Variants in WARS1 observed in about 807,000 individuals in gnomAD.
WARS1 encodes the protein tryptophan--tRNA ligase, cytoplasmic.
WARS1 carries 17 observed loss-of-function variants against 47.8 expected under a neutral mutation model. That is an observed-to-expected ratio of 0.36 (90% confidence interval 0.24 to 0.53). The LOEUF is 0.53. Ranked by LOEUF, WARS1 falls within the 20% of genes least tolerant of loss-of-function variation. WARS1 has a pLI of 0.91. For missense variants in WARS1, 434 were observed against 608.0 expected, an observed-to-expected ratio of 0.71 and a Z score of 3.01; for synonymous variants, 208 against 228.1, an observed-to-expected ratio of 0.91 and a Z score of 0.79.
chr14:100,376,280 A>C (rs1896658107), upstream of WARS1: 1 of 835,034 alleles, frequency 1.2e-6, no homozygotes, highest in Non-Finnish European at 1.6e-6. Flanking sequence ...CGGGCCAGTC[A>C]GCGCTCCCGG....
intron 4 of WARS1, among the ~76,000 whole-genome samples, chr14:100,359,234 T>C (rs1344143173): frequency 1.3e-5 from 2 of 152,224 alleles, no homozygotes; most frequent in South Asian, 2.1e-4. Flanking sequence ...CAGAGCAGCA[T>C]TGTTGATAAC....
intron 4 of WARS1, among the ~76,000 whole-genome samples, chr14:100,354,773 T>C (rs959269444): frequency 2.0e-5 from 3 of 152,142 alleles, no homozygotes; most frequent in African/African-American, 7.2e-5. Context: ...AAAGACAAGA[T>C]GTGTAGGTTT....
intron 10 of WARS1, 122 bp from the exon 11 acceptor site, chr14:100,335,158 A>G: frequency 1.2e-6 from 1 of 858,378 alleles, no homozygotes; most frequent in East Asian, 2.6e-5. Context: ...GGTGGCACTC[A>G]GAAGTGAGAT....
At position 100,353,603 on chromosome 14, in the gene WARS1, A is replaced by G. The variant is rs548489468; in HGVS notation, c.725+84T>C. ...ATTTACTAGGCCTTAAGACCATTTC[A>G]GTTGTTTCGAATTTAGCTGTGGTCA... On this transcript the variant is annotated intron_variant, in intron 6 of 10. Transcript: ENST00000392882. 3.4e-6 allele frequency: 5 copies of G among 1,490,950 alleles called. No individual in the cohort carries two copies. In the East Asian group the frequency reaches 6.8e-5, roughly 20 times the overall value. 92.4% of individuals were successfully genotyped at this position (1,490,950 alleles called of 1,614,324 possible). A position where few individuals can be genotyped will look rare whatever the true frequency, so the allele number is the denominator to read the frequency against.
chr14:100,345,839 A>G (rs1016231055), intron 7 of WARS1, among the ~76,000 whole-genome samples: 35 of 152,208 alleles, frequency 2.3e-4, no homozygotes, highest in African/African-American at 7.7e-4. Context: ...GCCAGCCCCC[A>G]CCAAGTGGCG....
chr14:100,338,484 C>T (rs1893903607), intron 9 of WARS1, among the ~76,000 whole-genome samples: 1 of 152,010 alleles, frequency 6.6e-6, no homozygotes, highest in Admixed American at 6.5e-5. Flanking sequence ...CCAGTCTGGT[C>T]TTGAACTCCT....
intron 4 of WARS1, among the ~76,000 whole-genome samples, chr14:100,356,406 G>T (rs1254366074): frequency 2.7e-5 from 4 of 146,394 alleles, no homozygotes; most frequent in African/African-American, 5.0e-5. Context: ...TGTGGGGGGG[G>T]GTGTGGAATA....
chr14:100,356,306 A>G (rs1294726828), intron 4 of WARS1, among the ~76,000 whole-genome samples: 1 of 151,648 alleles, frequency 6.6e-6, no homozygotes. Flanking sequence ...GGCAGTGAGA[A>G]GAACCATGCC....
rs530544578 is a variant in WARS1, at chr14:100,346,696, C to T, written c.826+50G>A. 6 of 1,445,146 alleles carry T rather than the reference C, an allele frequency of 4.2e-6. No individual in the cohort carries two copies. The South Asian group carries it at 6.9e-5, about 17-fold the overall frequency. The allele number at this position is 1,445,146 out of a possible 1,614,324, so 89.5% of individuals were successfully genotyped here. ...CATGTGTCTCCTCCAGAACTCTGCT[C>T]CTTTTTGAAGGGTGCAGGGAGTGGT... On this transcript the variant is annotated intron_variant, in intron 7 of 10. Transcript: ENST00000392882.
rs60977618 is a variant in WARS1, at chr14:100,371,447, C to CAAAAAAAAAAAAAAAAAAAAAAAAAAA, written c.-73-2190_-73-2189insTTTTTTTTTTTTTTTTTTTTTTTTTTT. 2.4e-3 allele frequency among the ~76,000 whole-genome samples: 210 copies of CAAAAAAAAAAAAAAAAAAAAAAAAAAA among 89,032 alleles called. 22 individuals are homozygous for CAAAAAAAAAAAAAAAAAAAAAAAAAAA. The highest frequency in any genetic ancestry group is 7.9e-3 in the Middle Eastern group (1 of 126). The allele number at this position is 89,032 out of a possible 152,430, so 58.4% of individuals were successfully genotyped here. On this transcript the variant is annotated intron_variant, in intron 1 of 10. Transcript: ENST00000392882. Reference sequence around the variant, plus strand: ...CCTGGGTGACAGAAAGGTTCTGTCTCAAAAAAAAAAAAAAAAAAAAGTAGG... The same window carrying CAAAAAAAAAAAAAAAAAAAAAAAAAAA: ...CCTGGGTGACAGAAAGGTTCTGTCTCAAAAAAAAAAAAAAAAAAAAAAAAAAAAAAAAAAAAAAAAAAAAAAAGTAGG...
intron 6 of WARS1, chr14:100,352,981 G>A (rs1895089380): frequency 6.6e-6 from 1 of 152,236 alleles, no homozygotes; most frequent in Non-Finnish European, 1.5e-5. Context: ...TGAGGAAAAG[G>A]TGCGTTGAAA....
At chr14:100,366,261 G>C (rs915776085) in intron 2 of WARS1, among the ~76,000 whole-genome samples, 1 of 152,126 alleles carries the variant, frequency 6.6e-6, no homozygotes, top group Non-Finnish European at 1.5e-5. Context: ...ACAGTGGACT[G>C]GGGGAGCTTT....
chr14:100,336,876 G>T, intron 10 of WARS1, 186 bp downstream of exon 10: 1 of 688,216 alleles, frequency 1.5e-6, no homozygotes, highest in Non-Finnish European at 2.3e-6. Flanking sequence ...GCTCTTTCGA[G>T]ATTTGTTCAT....
At chr14:100,336,206 G>A (rs1893715829) in intron 10 of WARS1, among the ~76,000 whole-genome samples, 1 of 150,526 alleles carries the variant, frequency 6.6e-6, no homozygotes, top group Non-Finnish European at 1.5e-5. Context: ...AACCCGGGAG[G>A]CAGAGCTTGC....
At chr14:100,371,447 C>CAAAAAAAAAAAA (rs60977618) in intron 1 of WARS1, among the ~76,000 whole-genome samples, 40 of 89,106 alleles carry the variant, frequency 4.5e-4, no homozygotes, top group South Asian at 2.2e-3. Context: ...GGTTCTGTCT[C>CAAAAAAAAAAAA]AAAAAAAAAA....
At chr14:100,352,261 G>A (rs1399925513) in intron 6 of WARS1, among the ~76,000 whole-genome samples, 5 of 151,156 alleles carry the variant, frequency 3.3e-5, no homozygotes, top group East Asian at 4.0e-4. Context: ...ACAGGAGCAC[G>A]CCACCACACC....
At chr14:100,374,567 A>G (rs1179259739) in intron 1 of WARS1, among the ~76,000 whole-genome samples, 1 of 152,252 alleles carries the variant, frequency 6.6e-6, no homozygotes, top group Non-Finnish European at 1.5e-5. Context: ...ACAGAACAAC[A>G]TGATAAAGAC....
rs1177507245 is a variant in WARS1, at chr14:100,334,823, T to C, written c.*52A>G. On this transcript the variant is annotated 3_prime_UTR_variant, in exon 11 of 11. Transcript: ENST00000392882. Reference sequence around the variant, plus strand: ...CGGTGCTTTGACTGGGCTGGGATTATTGATACATTACTGATACATCACTTC... The same window carrying C: ...CGGTGCTTTGACTGGGCTGGGATTACTGATACATTACTGATACATCACTTC... 1.3e-5 allele frequency: 21 copies of C among 1,592,454 alleles called. No individual in the cohort carries two copies. Among genetic ancestry groups the C allele is most frequent in the Non-Finnish European group, 1.7e-5 (20 of 1,165,992 alleles).
At chr14:100,349,081 C>T (rs1190059456) in intron 6 of WARS1, among the ~76,000 whole-genome samples, 2 of 152,180 alleles carry the variant, frequency 1.3e-5, no homozygotes, top group African/African-American at 2.4e-5. Flanking sequence ...TGTGGCTGAA[C>T]CACCAGTTAC....
Sources: allele counts gnomAD v4.1 joint callset (sites outside exome capture counted in the v4.1 genomes callset), GRCh38; gene constraint gnomAD v4.1.1; transcripts MANE v1.5; gene names NCBI Gene and HGNC (gene_info 2026-07-23, HGNC 2026-07-21).